CEP43: variants seen among roughly 807,000 people sequenced by gnomAD.
The protein encoded by CEP43 is FGFR1 oncogene partner.
A neutral mutation model predicts 52.6 loss-of-function variants in CEP43; 36 were observed. That is an observed-to-expected ratio of 0.68 (90% confidence interval 0.52 to 0.90). CEP43 has a LOEUF of 0.90. Ranked by LOEUF, CEP43 falls within the 40% of genes least tolerant of loss-of-function variation. CEP43 has a pLI of 0.00. For synonymous variants in CEP43, 192 were observed against 172.4 expected (o/e 1.11, Z -0.89); for missense variants, 506 against 472.8 (o/e 1.07, Z -0.65).
rs572577314 is a variant in CEP43 at position 167,000,098 on chromosome 6, G to C, written c.141G>C (p.Glu47Asp). Residue 47 changes from glutamate (E) to aspartate (D), a missense_variant, in exon 2 of 13, where the codon GAG becomes GAC. Transcript: ENST00000366847. ...LRAAVFLALE[E>D]QEKVENKTPL... Reference sequence around the variant, plus strand: ...CAGCTGTGTTTTTAGCACTAGAGGAGCAAGAAAAAGTAGAGGTATGAAGTT... The same window carrying C: ...CAGCTGTGTTTTTAGCACTAGAGGACCAAGAAAAAGTAGAGGTATGAAGTT... 3.4e-5 allele frequency: 55 copies of C among 1,612,034 alleles called. No individual in the cohort carries two copies. The South Asian group carries it at 5.9e-4, about 17-fold the overall frequency.
In CEP43 at chr6:167,003,174, ATTTT is replaced by A; in HGVS notation, c.157-9_157-6del. 2.1e-6 allele frequency: 2 copies of A among 942,414 alleles called. No individual in the cohort carries two copies. The highest frequency in any genetic ancestry group is 2.9e-5 in the Admixed American group (1 of 34,238). 58.4% of individuals were successfully genotyped at this position (942,414 alleles called of 1,614,324 possible). ...TTTAGGGTAAACACATGACACTTAAATTTTTTTTTTTTTAACAGAACAAAACTCC... is the reference window on the plus strand; with the variant it reads ...TTTAGGGTAAACACATGACACTTAAATTTTTTTTTAACAGAACAAAACTCC... On this transcript the variant is annotated splice_polypyrimidine_tract_variant and intron_variant, in intron 2 of 12. Coordinates refer to ENST00000366847, the MANE Select transcript of CEP43 (RefSeq NM_007045.4).
Position 167,041,453 on chromosome 6 carries a change from T to G in CEP43, c.*1475T>G. ...TATCTCAGTCTCCTTCAGCTCTTCATGTCTTAGTAAACAGCACCACGTGCA... is the reference window on the plus strand; with the variant it reads ...TATCTCAGTCTCCTTCAGCTCTTCAGGTCTTAGTAAACAGCACCACGTGCA... On this transcript the variant is annotated 3_prime_UTR_variant, in exon 13 of 13. Transcript: ENST00000366847. The G allele has an allele frequency of 9.4e-7, 1 of 1,059,882 alleles. No individual in the cohort carries two copies. The highest frequency in any genetic ancestry group is 1.1e-6 in the Non-Finnish European group (1 of 875,866). The allele number at this position is 1,059,882 out of a possible 1,614,324, so 65.7% of individuals were successfully genotyped here.
Position 167,041,366 on chromosome 6 carries a change from C to T in CEP43, c.*1388C>T, listed in dbSNP as rs1583296403. On this transcript the variant is annotated 3_prime_UTR_variant, in exon 13 of 13. Coordinates refer to ENST00000366847, the MANE Select transcript of CEP43 (RefSeq NM_007045.4). ...CTGTAAACATCAAGAGGAAGTAGGA[C>T]ATAAACTGGGCCGGTACAGCCTGGG... 9.4e-7 allele frequency: 1 copy of T among 1,059,842 alleles called. No homozygotes were observed. Among genetic ancestry groups the T allele is most frequent in the East Asian group, 5.2e-5 (1 of 19,366 alleles). The allele number at this position is 1,059,842 out of a possible 1,614,324, so 65.7% of individuals were successfully genotyped here.
At chr6:167,032,034 G>GA (rs143220601) in intron 10 of CEP43, among the ~76,000 whole-genome samples, 3,083 of 152,246 alleles carry the variant, frequency 0.02, 51 homozygotes, top group East Asian at 0.091. Context: ...TGTTAACTCT[G>GA]ATTGGTGTGG....
chr6:167,033,796 T>C (rs1177355490), intron 11 of CEP43, 79 bp from the exon 12 acceptor site: 9 of 608,450 alleles, frequency 1.5e-5, no homozygotes, highest in East Asian at 1.2e-4. Context: ...AAAAGAAATA[T>C]CTGAATGTTT....
intron 10 of CEP43, chr6:167,027,858 C>G (rs944740657): frequency 1.0e-6 from 1 of 985,384 alleles, no homozygotes; most frequent in African/African-American, 1.7e-5. Flanking sequence ...CTTTTCCCCC[C>G]ATTTGCAGAA....
intron 7 of CEP43, among the ~76,000 whole-genome samples, chr6:167,021,215 G>A (rs1780224681): frequency 6.6e-6 from 1 of 152,062 alleles, no homozygotes; most frequent in South Asian, 2.1e-4. Context: ...CTGAATTTTG[G>A]GAAATTGCCA....
At chr6:167,014,552 A>G (rs1174909652) in intron 7 of CEP43, among the ~76,000 whole-genome samples, 1 of 152,234 alleles carries the variant, frequency 6.6e-6, no homozygotes, top group Non-Finnish European at 1.5e-5. Flanking sequence ...CCTATGCTGA[A>G]CTTTGGTTAT....
intron 8 of CEP43, 73 bp from the exon 9 acceptor site, chr6:167,024,708 GT>G (rs1255060134): frequency 2.0e-6 from 2 of 992,452 alleles, no homozygotes; most frequent in African/African-American, 3.3e-5. Flanking sequence ...AGTTGCTTTT[GT>G]TTCTGTGGCA....
chr6:167,009,579 C>T (rs1291369716), intron 5 of CEP43, among the ~76,000 whole-genome samples: 2 of 143,274 alleles, frequency 1.4e-5, no homozygotes, highest in Non-Finnish European at 3.0e-5. Context: ...GCAAGAGAAT[C>T]GCTTGAACCC....
chr6:167,033,079 C>G (rs867805296), intron 11 of CEP43, among the ~76,000 whole-genome samples: 1 of 148,414 alleles, frequency 6.7e-6, no homozygotes. Flanking sequence ...TGTGGTCTGC[C>G]CTAATAAGAT....
chr6:167,009,299 G>A (rs1022501172), intron 5 of CEP43, among the ~76,000 whole-genome samples: 45 of 150,342 alleles, frequency 3.0e-4, no homozygotes, highest in African/African-American at 1.0e-3. Context: ...TGAGGCGGGC[G>A]GATCATTTGA....
rs767420665 is a variant in CEP43 at position 167,041,905 on chromosome 6, C to T, written c.*1927C>T. On this transcript the variant is annotated 3_prime_UTR_variant, in exon 13 of 13. Transcript: ENST00000366847. The stretch of plus-strand genomic sequence containing the variant: ...GTGATGCGATCTCGGCTCACTGCAA[C>T]CTCCGCCTCCTGGGTTCAAGCGATT... 4.5e-6 allele frequency: 3 copies of T among 668,144 alleles called. No homozygotes were observed. The African/African-American group carries it at 5.9e-5, about 13-fold the overall frequency. The allele number at this position is 668,144 out of a possible 1,614,324, so 41.4% of individuals were successfully genotyped here.
chr6:167,008,979 AC>A (rs1408021697), intron 5 of CEP43, among the ~76,000 whole-genome samples: 1 of 152,156 alleles, frequency 6.6e-6, no homozygotes, highest in East Asian at 1.9e-4. Context: ...TACAGGCTAG[AC>A]ATGGTGGCTC....
At chr6:167,014,289 C>T (rs1780046699) in intron 7 of CEP43, among the ~76,000 whole-genome samples, 1 of 152,154 alleles carries the variant, frequency 6.6e-6, no homozygotes, top group Non-Finnish European at 1.5e-5. Context: ...ATTTTTCAGA[C>T]AATTGCACAT....
intron 11 of CEP43, among the ~76,000 whole-genome samples, chr6:167,033,000 A>G (rs899220967): frequency 6.6e-6 from 1 of 151,834 alleles, no homozygotes; most frequent in East Asian, 1.9e-4. Flanking sequence ...TTGTCTCAAA[A>G]TTGACCTAAA....
intron 2 of CEP43, 31 bp from the exon 3 acceptor site, chr6:167,003,162 C>T (rs1437781221): frequency 9.8e-7 from 1 of 1,023,574 alleles, no homozygotes. Context: ...AGGGTAAACA[C>T]ATGACACTTA....
At chr6:166,999,889 C>G in intron 1 of CEP43, 171 bp from the exon 2 acceptor site, 2 of 585,678 alleles carry the variant, frequency 3.4e-6, no homozygotes, top group Non-Finnish European at 6.0e-6. Flanking sequence ...CCAGCCGAAG[C>G]CTGGGGGTCG....
At position 167,041,145 on chromosome 6, in the gene CEP43, A is replaced by G. The variant is rs1780686767; in HGVS notation, c.*1167A>G. On this transcript the variant is annotated 3_prime_UTR_variant, in exon 13 of 13. Transcript: ENST00000366847. ...ACAAGTTAACTTTATTAGTAAAAGGAGCAAATTAGACCTAATTCATTGATC... is the reference window on the plus strand; with the variant it reads ...ACAAGTTAACTTTATTAGTAAAAGGGGCAAATTAGACCTAATTCATTGATC... The G allele has an allele frequency of 9.6e-7, 1 of 1,044,056 alleles. No individual in the cohort carries two copies. Among genetic ancestry groups the G allele is most frequent in the Non-Finnish European group, 1.2e-6 (1 of 866,052 alleles). The allele number at this position is 1,044,056 out of a possible 1,614,324, so 64.7% of individuals were successfully genotyped here. A position where few individuals can be genotyped will look rare whatever the true frequency, so the allele number is the denominator to read the frequency against.
Sources: gnomAD v4.1 joint callset for allele counts (sites outside exome capture counted in the v4.1 genomes callset) on GRCh38, gnomAD v4.1.1 for gene constraint, MANE v1.5 for transcripts, NCBI Gene and HGNC (gene_info 2026-07-23, HGNC 2026-07-21) for gene names.